Variants in MYT1L observed in about 807,000 individuals in gnomAD.
MYT1L encodes the protein myelin transcription factor 1 like, also known as myelin transcription factor 1-like protein.
MYT1L carries 12 observed loss-of-function variants against 126.7 expected under a neutral mutation model. That is an observed-to-expected ratio of 0.09 (90% CI 0.06 to 0.15). The LOEUF (loss-of-function observed/expected upper bound fraction) is 0.15. Among genes scored for constraint, MYT1L ranks in the 10% least tolerant of loss-of-function variants. The pLI, the probability that MYT1L is intolerant of heterozygous loss-of-function variation, is 1.00. For missense variants in MYT1L, 979 were observed against 1,585.2 expected, an observed-to-expected ratio of 0.62 and a Z score of 6.49; for synonymous variants, 541 against 604.2, an observed-to-expected ratio of 0.90 and a Z score of 1.53.
chr2:2,286,799 T>C, intron 1 of MYT1L, among the ~76,000 whole-genome samples: 1 of 151,972 alleles, frequency 6.6e-6, no homozygotes. Context: ...CAGGCTTCCC[T>C]CCCCACCCAC....
intron 5 of MYT1L, among the ~76,000 whole-genome samples, chr2:1,985,532 C>T (rs893643267): frequency 1.3e-5 from 2 of 152,204 alleles, no homozygotes; most frequent in African/African-American, 4.8e-5. Context: ...AAAAATACAT[C>T]TATGAAGATT....
rs372716595 is a variant in MYT1L at position 1,979,712 on chromosome 2, C to T, written c.55+11G>A. On this transcript the variant is annotated intron_variant, in intron 6 of 24. Transcript: ENST00000647738. This position sits in a 1 kb window ranked among gnomAD's most constrained non-coding sequence, Gnocchi z 4.0. Reference sequence around the variant, plus strand: ...GAGCCGGCCTCAGGATGCAGGGAAGCGCGGACATACCTCGAACCCCTTTGG... The same window carrying T: ...GAGCCGGCCTCAGGATGCAGGGAAGTGCGGACATACCTCGAACCCCTTTGG... The T allele has an allele frequency of 2.3e-5, 37 of 1,613,866 alleles. No homozygotes were observed. In the African/African-American group the frequency reaches 3.6e-4, roughly 16 times the overall value.
chr2:1,928,290 G>C (rs1248443427), intron 9 of MYT1L, among the ~76,000 whole-genome samples: 1 of 152,162 alleles, frequency 6.6e-6, no homozygotes, highest in East Asian at 1.9e-4. Context: ...AATGAAGTTG[G>C]TGACTACAGA....
At chr2:1,909,600 A>C (rs1340904654) in intron 13 of MYT1L, among the ~76,000 whole-genome samples, 1 of 152,194 alleles carries the variant, frequency 6.6e-6, no homozygotes. Context: ...CCAAAACTTC[A>C]ATAAAACAGT....
intron 3 of MYT1L, among the ~76,000 whole-genome samples, chr2:2,171,521 G>A (rs1412897228): frequency 6.6e-6 from 1 of 152,188 alleles, no homozygotes; most frequent in African/African-American, 2.4e-5. Context: ...TAGCTTGGAT[G>A]TATGAAACAC....
intron 2 of MYT1L, among the ~76,000 whole-genome samples, chr2:2,179,905 C>T (rs2091226562): frequency 1.3e-5 from 2 of 152,178 alleles, no homozygotes; most frequent in Admixed American, 1.3e-4. Flanking sequence ...ACATCAAATC[C>T]CATCATTTCT....
chr2:2,307,281 C>T (rs985435992), intron 1 of MYT1L, among the ~76,000 whole-genome samples: 1 of 152,112 alleles, frequency 6.6e-6, no homozygotes, highest in African/African-American at 2.4e-5. Context: ...CAAAGCTGTA[C>T]TTTGCAATAA....
At chr2:2,057,013 G>A (rs1008649227) in intron 3 of MYT1L, among the ~76,000 whole-genome samples, 1 of 152,140 alleles carries the variant, frequency 6.6e-6, no homozygotes, top group African/African-American at 2.4e-5. Flanking sequence ...CCATGCACCC[G>A]TCTCAGTGTC....
chr2:2,090,831 C>T (rs2076843495), intron 3 of MYT1L, among the ~76,000 whole-genome samples: 1 of 152,196 alleles, frequency 6.6e-6, no homozygotes, highest in African/African-American at 2.4e-5. Context: ...ACAGTGTTTA[C>T]AGCATCTTCA....
chr2:2,077,795 G>A (rs540772145), intron 3 of MYT1L, among the ~76,000 whole-genome samples: 142 of 152,210 alleles, frequency 9.3e-4, no homozygotes, highest in Non-Finnish European at 1.6e-3. Context: ...GCTAGAAGAC[G>A]TGTCGTTTTA....
intron 4 of MYT1L, among the ~76,000 whole-genome samples, chr2:2,040,922 C>T (rs564600499): frequency 6.6e-6 from 1 of 152,158 alleles, no homozygotes; most frequent in East Asian, 1.9e-4. Context: ...TCCATAGTAA[C>T]CAATGTGCTT....
chr2:2,086,907 C>T (rs567669554), intron 3 of MYT1L, among the ~76,000 whole-genome samples: 1 of 152,120 alleles, frequency 6.6e-6, no homozygotes, highest in African/African-American at 2.4e-5. Flanking sequence ...CCCTCAGATG[C>T]CCCCTGCCAA....
At chr2:1,892,598 C>T (rs1251495621) in intron 14 of MYT1L, among the ~76,000 whole-genome samples, 2 of 150,384 alleles carry the variant, frequency 1.3e-5, no homozygotes, top group East Asian at 2.0e-4. Flanking sequence ...CCTGGTCCCT[C>T]GAAAGACAGA....
At chr2:2,025,748 T>G (rs1466994459) in intron 4 of MYT1L, among the ~76,000 whole-genome samples, 1 of 152,250 alleles carries the variant, frequency 6.6e-6, no homozygotes, top group Non-Finnish European at 1.5e-5. Flanking sequence ...CACAGGGACA[T>G]TAGCATACTC....
intron 2 of MYT1L, among the ~76,000 whole-genome samples, chr2:2,243,878 C>T (rs2094482937): frequency 6.6e-6 from 1 of 152,166 alleles, no homozygotes; most frequent in African/African-American, 2.4e-5. Context: ...AAGAGGCTCA[C>T]ATCACTGAAA....
chr2:2,105,228 C>A (rs554650812), intron 3 of MYT1L, among the ~76,000 whole-genome samples: 8 of 152,106 alleles, frequency 5.3e-5, no homozygotes, highest in Middle Eastern at 3.2e-3. Flanking sequence ...AATGGATCCC[C>A]GGCAGCGTGG....
intron 3 of MYT1L, among the ~76,000 whole-genome samples, chr2:2,133,364 G>A (rs2082631822): frequency 6.6e-6 from 1 of 152,076 alleles, no homozygotes; most frequent in South Asian, 2.1e-4. Flanking sequence ...TAGCAAGAAA[G>A]GACAGTAAAT....
chr2:1,789,438 A>C lies in MYT1L; in HGVS notation c.*2429T>G, dbSNP rs2031642571. On this transcript the variant is annotated 3_prime_UTR_variant, in exon 25 of 25. Transcript: ENST00000647738. Reference sequence around the variant, plus strand: ...AAACTCTGATGACTCACAATAATCCATATGAAAGGTCAGCATTCTAATATG... The same window carrying C: ...AAACTCTGATGACTCACAATAATCCCTATGAAAGGTCAGCATTCTAATATG... The C allele has an allele frequency of 6.6e-6, 1 of 152,254 alleles. No homozygotes were observed. Among genetic ancestry groups the C allele is most frequent in the South Asian group, 2.1e-4 (1 of 4,836 alleles). 9.4% of individuals were successfully genotyped at this position (152,254 alleles called of 1,614,324 possible). A position where few individuals can be genotyped will look rare whatever the true frequency, so the allele number is the denominator to read the frequency against.
intron 1 of MYT1L, among the ~76,000 whole-genome samples, chr2:2,312,709 G>A (rs962416766): frequency 6.6e-6 from 1 of 152,132 alleles, no homozygotes; most frequent in African/African-American, 2.4e-5. Context: ...CTCTTCTTAT[G>A]TTTGGATCCC....
Sources: gnomAD v4.1 joint callset for allele counts (sites outside exome capture counted in the v4.1 genomes callset) on GRCh38, gnomAD v4.1.1 for gene constraint, Gnocchi (gnomAD v3.1) non-coding constraint, MANE v1.5 for transcripts, NCBI Gene and HGNC (gene_info 2026-07-23, HGNC 2026-07-21) for gene names.